CCDC110: variants seen among roughly 807,000 people sequenced by gnomAD.
CCDC110 encodes coiled-coil domain containing 110, also known as coiled-coil domain-containing protein 110.
Under a neutral mutation model 77.1 loss-of-function variants are expected in CCDC110, and 70 were observed. That is an observed-to-expected ratio of 0.91 (90% CI 0.75 to 1.11). The LOEUF (loss-of-function observed/expected upper bound fraction) is 1.11. Ranked by LOEUF, CCDC110 falls within the 50% of genes least tolerant of loss-of-function variation. The pLI, the probability that CCDC110 is intolerant of heterozygous loss-of-function variation, is 0.00. For synonymous variants in CCDC110, 295 were observed against 312.5 expected, an observed-to-expected ratio of 0.94 and a Z score of 0.59; for missense variants, 868 against 942.9, an observed-to-expected ratio of 0.92 and a Z score of 1.04.
chr4:185,461,294 T>C (rs1263076379), intron 4 of CCDC110, 135 bp from the exon 5 acceptor site: 1 of 506,302 alleles, frequency 2.0e-6, no homozygotes, highest in South Asian at 3.0e-5. Flanking sequence ...TTATAGAATA[T>C]AAATGAAAGC....
chr4:185,459,533 T>C lies in CCDC110; in HGVS notation c.1054A>G (p.Lys352Glu). 6.2e-7 allele frequency: 1 copy of C among 1,612,986 alleles called. No individual in the cohort carries two copies. Among genetic ancestry groups the C allele is most frequent in the African/African-American group, 1.3e-5 (1 of 75,026 alleles). ...TCTTTATTGTTTTTCTCATTTTTCTTTCCCCTGTGCATTTCACTCTTAGAT... is the reference window on the plus strand; with the variant it reads ...TCTTTATTGTTTTTCTCATTTTTCTCTCCCCTGTGCATTTCACTCTTAGAT... ...KLSKSEMHRG[K>E]KNEKNNKEIP... Residue 352 changes from lysine to glutamate, a missense_variant, in exon 6 of 7, where the codon AAG becomes GAG. Transcript: ENST00000307588.
At chr4:185,461,486 C>T (rs1342695393) in intron 4 of CCDC110, among the ~76,000 whole-genome samples, 3 of 152,188 alleles carry the variant, frequency 2.0e-5, no homozygotes, top group Non-Finnish European at 4.4e-5. Flanking sequence ...GAGGAGTTAT[C>T]TTCCCTTCCT....
intron 1 of CCDC110, 177 bp downstream of exon 1, chr4:185,471,497 C>T (rs921320340): frequency 3.4e-5 from 21 of 620,494 alleles, no homozygotes; most frequent in Non-Finnish European, 5.0e-5. Flanking sequence ...CCACAGCGGA[C>T]GCAGGGGGCC....
rs752659708 is a variant in CCDC110 at position 185,458,209 on chromosome 4, C to T, written c.2378G>A (p.Arg793Lys). The change falls in exon 6 of 7, where the codon AGA becomes AAA. Residue 793 changes from arginine (R) to lysine (K), a missense_variant. Coordinates refer to ENST00000307588, the MANE Select transcript of CCDC110 (RefSeq NM_152775.4). Reference sequence around the variant, plus strand: ...GTTGTCAAAATGGAATTTCTCTCTTCTTGAAATGTAAGTTGTTTTTGAAGG... The same window carrying T: ...GTTGTCAAAATGGAATTTCTCTCTTTTTGAAATGTAAGTTGTTTTTGAAGG... ...NDPSKTTYIS[R>K]REKFHFDNYT... 1 of 1,606,912 alleles carries T rather than the reference C, an allele frequency of 6.2e-7. No individual in the cohort carries two copies. The highest frequency in any genetic ancestry group is 1.3e-5 in the African/African-American group (1 of 74,626).
intron 6 of CCDC110, among the ~76,000 whole-genome samples, chr4:185,454,958 C>T (rs1437960749): frequency 1.3e-5 from 2 of 152,012 alleles, no homozygotes. Flanking sequence ...ATACTTAAAA[C>T]TCTTTATAAT....
chr4:185,467,071 G>A (rs189225801), intron 2 of CCDC110, among the ~76,000 whole-genome samples: 1 of 152,316 alleles, frequency 6.6e-6, no homozygotes, highest in Admixed American at 6.5e-5. Context: ...GGAGAAACGT[G>A]TTCAAGATTT....
In CCDC110 at chr4:185,458,281, C is replaced by T. The variant is rs1580179728; in HGVS notation, c.2306G>A (p.Arg769Gln). ...TTTATCACTTAAACTTAAATATTCTCGTTGAAGATGCCGCATCTCAAATTC... is the reference window on the plus strand; with the variant it reads ...TTTATCACTTAAACTTAAATATTCTTGTTGAAGATGCCGCATCTCAAATTC... ...TLEFEMRHLQ[R>Q]EYLSLSDKIC... Residue 769 changes from arginine (R) to glutamine (Q), a missense_variant, in exon 6 of 7, where the codon CGA (arginine) becomes CAA (glutamine). Transcript: ENST00000307588. The T allele has an allele frequency of 5.6e-6, 9 of 1,597,626 alleles. No homozygotes were observed. Among genetic ancestry groups the T allele is most frequent in the South Asian group, 2.3e-5 (2 of 86,862 alleles).
intron 4 of CCDC110, 47 bp downstream of exon 4, chr4:185,462,596 G>T: frequency 7.0e-7 from 1 of 1,418,454 alleles, no homozygotes; most frequent in Non-Finnish European, 1.0e-6. Context: ...AAGATGGGAT[G>T]ATACTTCAAG....
chr4:185,470,899 C>G, intron 2 of CCDC110, 46 bp downstream of exon 2: 3 of 1,361,468 alleles, frequency 2.2e-6, no homozygotes, highest in Non-Finnish European at 3.2e-6. Flanking sequence ...CAGATGCTGC[C>G]GCCTGTGTAT....
At chr4:185,449,700 A>G in intron 6 of CCDC110, 5 of 1,211,182 alleles carry the variant, frequency 4.1e-6, no homozygotes, top group Non-Finnish European at 5.7e-6. Flanking sequence ...CACTATCAAG[A>G]GCTAATTATT....
chr4:185,458,421 T>C lies in CCDC110; in HGVS notation c.2166A>G (p.Leu722=). Residue 722 remains leucine (L), a synonymous_variant, in exon 6 of 7, where the codon CTA becomes CTG. Coordinates refer to ENST00000307588, the MANE Select transcript of CCDC110 (RefSeq NM_152775.4). ...KTDNQILKEE[L]KKHSQENIKF... ...TTATATTTTCTTGACTATGTTTCTT[T>C]AGTTCTTCTTTTAGAATCTGATTAT... The C allele has an allele frequency of 6.3e-7, 1 of 1,597,644 alleles. No individual in the cohort carries two copies. Among genetic ancestry groups the C allele is most frequent in the Admixed American group, 1.7e-5 (1 of 57,164 alleles).
chr4:185,457,383 C>T (rs1161632844), intron 6 of CCDC110: 1 of 450,294 alleles, frequency 2.2e-6, no homozygotes, highest in Non-Finnish European at 4.4e-6. Context: ...GGTTTCTAAG[C>T]TCACTCTCTC....
chr4:185,452,899 A>C (rs1382012716), intron 6 of CCDC110, among the ~76,000 whole-genome samples: 1 of 151,528 alleles, frequency 6.6e-6, no homozygotes, highest in Non-Finnish European at 1.5e-5. Context: ...AAAAAAAAAA[A>C]AAAAAAAAAA....
At chr4:185,466,623 G>A (rs2095656704) in intron 2 of CCDC110, among the ~76,000 whole-genome samples, 1 of 151,858 alleles carries the variant, frequency 6.6e-6, no homozygotes, top group African/African-American at 2.4e-5. Context: ...AGGCTGGAGT[G>A]CAGTGGCATG....
At chr4:185,451,285 C>T (rs1039186017) in intron 6 of CCDC110, among the ~76,000 whole-genome samples, 2 of 152,076 alleles carry the variant, frequency 1.3e-5, no homozygotes, top group Non-Finnish European at 2.9e-5. Flanking sequence ...TGGACAAATA[C>T]GTGGTGCTTT....
intron 6 of CCDC110, among the ~76,000 whole-genome samples, chr4:185,452,926 A>G (rs1216940469): frequency 1.3e-5 from 2 of 151,086 alleles, no homozygotes; most frequent in African/African-American, 4.9e-5. Context: ...GGTTCAACCT[A>G]TTACTATTAT....
chr4:185,466,717 G>C (rs2095656934), intron 2 of CCDC110, among the ~76,000 whole-genome samples: 1 of 151,998 alleles, frequency 6.6e-6, no homozygotes, highest in African/African-American at 2.4e-5. Flanking sequence ...CCACAGGTGT[G>C]TGCCACCACA....
chr4:185,461,102 G>A lies in CCDC110; in HGVS notation c.295C>T (p.Gln99Ter). The A allele has an allele frequency of 1.9e-6, 3 of 1,601,882 alleles. No individual in the cohort carries two copies. The highest frequency in any genetic ancestry group is 2.6e-6 in the Non-Finnish European group (3 of 1,174,390). The change falls in exon 5 of 7, where the codon CAA becomes TAA. Residue 99 changes from glutamine to a stop codon, truncating the protein, a stop_gained. Transcript: ENST00000307588. LOFTEE classifies it high-confidence loss of function. ...ACCAGATTTTTTTCTGAGCTAAATT[G>A]TGGGTTTTCTACTTCAATAATACTT... ...NKSIIEVENP[Q>*]FSSEKNLVFG...
chr4:185,447,957 G>T (rs2095618908), intron 6 of CCDC110, among the ~76,000 whole-genome samples: 1 of 152,154 alleles, frequency 6.6e-6, no homozygotes, highest in Non-Finnish European at 1.5e-5. Flanking sequence ...AGTTTTCCAA[G>T]CCTACTATGT....
Sources: gnomAD v4.1 joint callset for allele counts (sites outside exome capture counted in the v4.1 genomes callset) on GRCh38, gnomAD v4.1.1 for gene constraint, MANE v1.5 for transcripts, NCBI Gene and HGNC (gene_info 2026-07-23, HGNC 2026-07-21) for gene names.